ABCA13: variants seen among roughly 807,000 people sequenced by gnomAD.
The protein encoded by ABCA13 is ATP binding cassette subfamily A member 13, also known as ATP-binding cassette sub-family A member 13.
A neutral mutation model predicts 478.7 loss-of-function variants in ABCA13; 476 were observed. The ratio of observed to expected loss-of-function variants is 0.99; its 90% CI spans 0.92 to 1.07. ABCA13 has a LOEUF of 1.07. ABCA13 is among the 50% of genes least tolerant of loss of function. The pLI, the probability that ABCA13 is intolerant of heterozygous loss-of-function variation, is 0.00. For missense variants in ABCA13, 6,060 were observed against 5,910.6 expected, an observed-to-expected ratio of 1.03 and a Z score of -0.83; for synonymous variants, 2,252 against 2,158.9, an observed-to-expected ratio of 1.04 and a Z score of -1.20.
In ABCA13 at chr7:48,352,176, A is replaced by C; in HGVS notation, c.10382-5A>C. On this transcript the variant is annotated splice_region_variant and splice_polypyrimidine_tract_variant and intron_variant, in intron 30 of 61. Transcript: ENST00000435803. ...AATGCTTCGTTTTTCCTTTTCTGCC[A>C]CTAGGTATCATTTTCAGCAATTCCT... is the stretch of plus-strand genomic sequence containing the variant. 6.3e-7 allele frequency: 1 copy of C among 1,597,928 alleles called. No homozygotes were observed. Among genetic ancestry groups the C allele is most frequent in the Non-Finnish European group, 8.5e-7 (1 of 1,169,796 alleles).
At chr7:48,619,606 T>C (rs1432639451) in intron 59 of ABCA13, among the ~76,000 whole-genome samples, 1 of 152,182 alleles carries the variant, frequency 6.6e-6, no homozygotes, top group African/African-American at 2.4e-5. Context: ...GTCCGGCACA[T>C]GCCCGGTGAC....
At chr7:48,630,061 T>G (rs551412102) in intron 59 of ABCA13, among the ~76,000 whole-genome samples, 72 of 152,340 alleles carry the variant, frequency 4.7e-4, no homozygotes, top group African/African-American at 1.7e-3. Context: ...AGATTTAAAA[T>G]TTTTATGTGT....
intron 42 of ABCA13, among the ~76,000 whole-genome samples, chr7:48,437,767 T>C (rs1360001234): frequency 6.6e-6 from 1 of 152,112 alleles, no homozygotes; most frequent in Non-Finnish European, 1.5e-5. Context: ...TAATTAGTGA[T>C]CCCCTGGGTC....
intron 39 of ABCA13, 184 bp downstream of exon 39, chr7:48,404,063 G>T: frequency 1.5e-6 from 1 of 684,724 alleles, no homozygotes; most frequent in Non-Finnish European, 2.5e-6. Flanking sequence ...ATAGTGCTTA[G>T]AATTGCTTAC....
intron 55 of ABCA13, among the ~76,000 whole-genome samples, chr7:48,530,304 G>T (rs1833136514): frequency 6.6e-6 from 1 of 151,244 alleles, no homozygotes; most frequent in Non-Finnish European, 1.5e-5. Context: ...GTGTTTCATG[G>T]TGTATATATA....
intron 23 of ABCA13, among the ~76,000 whole-genome samples, chr7:48,309,691 C>G (rs1312818074): frequency 6.6e-6 from 1 of 152,098 alleles, no homozygotes; most frequent in Admixed American, 6.6e-5. Flanking sequence ...GACAGAGTTT[C>G]AGAAGGGTGA....
intron 57 of ABCA13, among the ~76,000 whole-genome samples, chr7:48,593,605 G>T (rs1221627375): frequency 6.6e-6 from 1 of 151,812 alleles, no homozygotes; most frequent in African/African-American, 2.4e-5. Context: ...TTTACTGTGA[G>T]TTTTATAATT....
intron 42 of ABCA13, among the ~76,000 whole-genome samples, chr7:48,447,703 T>C (rs945933248): frequency 1.3e-4 from 20 of 152,144 alleles, no homozygotes. Flanking sequence ...AATACATAGA[T>C]AGGGATGCTG....
At chr7:48,308,992 C>A (rs1801332159) in intron 23 of ABCA13, among the ~76,000 whole-genome samples, 1 of 144,232 alleles carries the variant, frequency 6.9e-6, no homozygotes. Flanking sequence ...CCCAATGGTG[C>A]ATTTCCCAAA....
chr7:48,390,629 C>T (rs890734584), intron 37 of ABCA13, among the ~76,000 whole-genome samples: 1 of 152,210 alleles, frequency 6.6e-6, no homozygotes, highest in African/African-American at 2.4e-5. Flanking sequence ...CCCTGGCCTT[C>T]ATGTGACCAC....
At chr7:48,400,897 A>C (rs1817509961) in intron 38 of ABCA13, among the ~76,000 whole-genome samples, 1 of 152,258 alleles carries the variant, frequency 6.6e-6, no homozygotes, top group Non-Finnish European at 1.5e-5. Flanking sequence ...AATTATCTTC[A>C]GCCTCCATGC....
Position 48,272,216 on chromosome 7 carries a change from G to A in ABCA13, c.2550G>A (p.Leu850=), listed in dbSNP as rs922616842. 3 of 1,611,222 alleles carry A rather than the reference G, an allele frequency of 1.9e-6. No individual in the cohort carries two copies. The highest frequency in any genetic ancestry group is 1.7e-6 in the Non-Finnish European group (2 of 1,178,986). The change falls in exon 17 of 62, where the codon TTG becomes TTA. Residue 850 remains leucine (L), a synonymous_variant. Transcript: ENST00000435803. ...TTTCAAAAGGAAAAAGAGCTAAATT[G>A]GAAAACTTCTTTACACTTTTAAATT... is the stretch of plus-strand genomic sequence containing the variant. ...YGISKGKRAK[L]ENFFTLLNFS...
chr7:48,335,434 T>C lies in ABCA13; in HGVS notation c.10012T>C (p.Phe3338Leu). ...CTTCATTTTGCAGGCTAATTACACC[T>C]TTTATATTGTGGACAAACTAAAAAC... ...NKVIQKANYT[F>L]YIVDKLKTLS... is the part of the protein sequence containing the mutation. Residue 3338 changes from phenylalanine (F) to leucine (L), a missense_variant, in exon 28 of 62, where the codon TTT becomes CTT. Physicochemically the swap from Phe to Leu is conservative, Grantham distance 22 (BLOSUM62 0). Transcript: ENST00000435803. 2 of 1,609,680 alleles carry C rather than the reference T, an allele frequency of 1.2e-6. No individual in the cohort carries two copies. Among genetic ancestry groups the C allele is most frequent in the Non-Finnish European group, 1.7e-6 (2 of 1,177,366 alleles).
Position 48,273,330 on chromosome 7 carries a change from T to G in ABCA13, c.3664T>G (p.Phe1222Val). The change falls in exon 17 of 62, where the codon TTC becomes GTC. Residue 1222 changes from phenylalanine to valine, a missense_variant. Physicochemically the swap from Phe to Val is conservative, Grantham distance 50 (BLOSUM62 -1). Transcript: ENST00000435803. ...TAAAAATGTAACTCAAGCCAATGACTTCCATAATTGGGAGGACTTCCTGGA... is the reference window on the plus strand; with the variant it reads ...TAAAAATGTAACTCAAGCCAATGACGTCCATAATTGGGAGGACTTCCTGGA... ...LFKNVTQAND[F>V]HNWEDFLDLR... The G allele has an allele frequency of 6.2e-7, 1 of 1,613,668 alleles. No individual in the cohort carries two copies. Among genetic ancestry groups the G allele is most frequent in the Non-Finnish European group, 8.5e-7 (1 of 1,179,750 alleles).
chr7:48,268,738 G>A (rs113717674), intron 15 of ABCA13, among the ~76,000 whole-genome samples: 2,183 of 151,278 alleles, frequency 0.014, 21 homozygotes, highest in Middle Eastern at 0.054. Flanking sequence ...CATAGGTCTC[G>A]CTCTGTTGTT....
At chr7:48,597,097 A>G (rs967338235) in intron 58 of ABCA13, among the ~76,000 whole-genome samples, 2 of 151,744 alleles carry the variant, frequency 1.3e-5, no homozygotes, top group Admixed American at 6.6e-5. Flanking sequence ...GACTACAGGC[A>G]CCTGCCACCA....
At chr7:48,204,037 C>T (rs1471667320) in intron 3 of ABCA13, among the ~76,000 whole-genome samples, 1 of 152,014 alleles carries the variant, frequency 6.6e-6, no homozygotes, top group Non-Finnish European at 1.5e-5. Flanking sequence ...CTGCCTGGTT[C>T]TCAGCCTTAT....
chr7:48,624,415 C>T (rs1300812133), intron 59 of ABCA13, among the ~76,000 whole-genome samples: 1 of 152,012 alleles, frequency 6.6e-6, no homozygotes, highest in African/African-American at 2.4e-5. Context: ...TAAAAACACT[C>T]CTGTCATGGA....
intron 27 of ABCA13, among the ~76,000 whole-genome samples, chr7:48,328,714 A>AAAATTAT (rs145098197): frequency 0.011 from 1,644 of 152,224 alleles, 39 homozygotes; most frequent in African/African-American, 0.038. Flanking sequence ...AACATGAGGA[A>AAAATTAT]AAATTATAAA....
Sources: gnomAD v4.1 joint callset for allele counts (sites outside exome capture counted in the v4.1 genomes callset) on GRCh38, gnomAD v4.1.1 for gene constraint, MANE v1.5 for transcripts, NCBI Gene and HGNC (gene_info 2026-07-23, HGNC 2026-07-21) for gene names.